The following VWA8 variants were observed in gnomAD, a reference collection of about 807,000 sequenced individuals.
The protein encoded by VWA8 is von Willebrand factor A domain containing 8.
A neutral mutation model predicts 241.5 loss-of-function variants in VWA8; 221 were observed. The observed-to-expected ratio is 0.91, with a 90% CI of 0.82 to 1.02. The LOEUF (loss-of-function observed/expected upper bound fraction) is 1.02, where lower values mean the gene tolerates loss of function less well. Ranked by LOEUF, VWA8 falls within the 50% of genes least tolerant of loss-of-function variation. VWA8 has a pLI of 0.00. For missense variants in VWA8, 2,322 were observed against 2,328.7 expected, an observed-to-expected ratio of 1.00 and a Z score of 0.06; for synonymous variants, 852 against 827.1, an observed-to-expected ratio of 1.03 and a Z score of -0.52.
At chr13:41,698,652 C>A (rs1323938476) in intron 29 of VWA8, among the ~76,000 whole-genome samples, 1 of 152,078 alleles carries the variant, frequency 6.6e-6, no homozygotes, top group African/African-American at 2.4e-5. Context: ...TTTTTAATAC[C>A]ATTCACCTCA....
chr13:41,872,578 G>T (rs938582940), intron 9 of VWA8, among the ~76,000 whole-genome samples: 18 of 152,112 alleles, frequency 1.2e-4, no homozygotes, highest in Non-Finnish European at 1.9e-4. Flanking sequence ...TTTCCCCATT[G>T]CTTGTTTTTC....
intron 20 of VWA8, among the ~76,000 whole-genome samples, chr13:41,766,609 C>A (rs944988284): frequency 6.6e-6 from 1 of 152,210 alleles, no homozygotes; most frequent in Non-Finnish European, 1.5e-5. Context: ...ACTACAATAG[C>A]TCATCCTTGC....
chr13:41,616,543 T>C (rs1342646931), intron 37 of VWA8, among the ~76,000 whole-genome samples: 1 of 152,180 alleles, frequency 6.6e-6, no homozygotes, highest in Non-Finnish European at 1.5e-5. Context: ...TGCCACCATT[T>C]TTCAACTCGT....
intron 12 of VWA8, among the ~76,000 whole-genome samples, chr13:41,845,646 T>C (rs1372076123): frequency 6.6e-6 from 1 of 151,728 alleles, no homozygotes; most frequent in East Asian, 1.9e-4. Context: ...TAAAATAGAA[T>C]GAAATCACAT....
intron 43 of VWA8, among the ~76,000 whole-genome samples, chr13:41,573,523 A>G (rs1174666094): frequency 1.5e-5 from 2 of 135,766 alleles, no homozygotes; most frequent in Non-Finnish European, 1.5e-5. Context: ...CTCTATATAT[A>G]CGTGTATATA....
intron 17 of VWA8, among the ~76,000 whole-genome samples, chr13:41,793,397 T>C (rs376671285): frequency 1.4e-3 from 216 of 152,290 alleles, no homozygotes; most frequent in Non-Finnish European, 2.1e-3. Context: ...TATGTTTTAA[T>C]AGATGGAAGT....
chr13:41,699,914 A>C (rs1440488685), intron 28 of VWA8, among the ~76,000 whole-genome samples: 1 of 152,134 alleles, frequency 6.6e-6, no homozygotes, highest in Non-Finnish European at 1.5e-5. Context: ...GGATCTAATA[A>C]AACTGCAGAC....
intron 2 of VWA8, among the ~76,000 whole-genome samples, chr13:41,934,812 G>T (rs1024613507): frequency 1.3e-5 from 2 of 151,956 alleles, no homozygotes; most frequent in Non-Finnish European, 2.9e-5. Flanking sequence ...TATTTGATCA[G>T]TATTTTGATT....
At chr13:41,884,573 G>T (rs1874420878) in intron 8 of VWA8, among the ~76,000 whole-genome samples, 2 of 123,016 alleles carry the variant, frequency 1.6e-5, no homozygotes, top group Non-Finnish European at 1.8e-5. Flanking sequence ...CTTCCAAATG[G>T]TTCAGGAAAA....
chr13:41,657,779 G>A (rs372954265), intron 37 of VWA8, among the ~76,000 whole-genome samples: 2 of 152,198 alleles, frequency 1.3e-5, no homozygotes, highest in Admixed American at 6.5e-5. Context: ...GTGAGCCACC[G>A]CGCCCGGCCA....
At chr13:41,860,942 G>T (rs1396036175) in intron 12 of VWA8, among the ~76,000 whole-genome samples, 1 of 151,926 alleles carries the variant, frequency 6.6e-6, no homozygotes, top group African/African-American at 2.4e-5. Context: ...TCATTAGAAT[G>T]AGAGTTTTTA....
chr13:41,666,593 G>A (rs926530203), intron 37 of VWA8, among the ~76,000 whole-genome samples: 49 of 152,026 alleles, frequency 3.2e-4, no homozygotes, highest in African/African-American at 1.1e-3. Flanking sequence ...TGAAATCATG[G>A]TGGGGGTGTT....
At chr13:41,627,041 A>G (rs2044696498) in intron 37 of VWA8, among the ~76,000 whole-genome samples, 1 of 152,218 alleles carries the variant, frequency 6.6e-6, no homozygotes, top group Admixed American at 6.5e-5. Flanking sequence ...TCTAATATTC[A>G]GAATCTATAA....
chr13:41,624,614 A>C (rs528934694), intron 37 of VWA8, among the ~76,000 whole-genome samples: 6 of 152,362 alleles, frequency 3.9e-5, no homozygotes, highest in African/African-American at 1.4e-4. Flanking sequence ...GCCTTCAATA[A>C]AATTCAACAT....
At chr13:41,772,472 A>C (rs80210784) in intron 20 of VWA8, among the ~76,000 whole-genome samples, 1,791 of 152,070 alleles carry the variant, frequency 0.012, 36 homozygotes, top group African/African-American at 0.031. Flanking sequence ...AAACAAAAAA[A>C]AAATCAGCAT....
chr13:41,909,244 C>G (rs1437541938), intron 3 of VWA8, among the ~76,000 whole-genome samples: 1 of 152,014 alleles, frequency 6.6e-6, no homozygotes, highest in East Asian at 1.9e-4. Context: ...TTTTTTAGTA[C>G]AGACGGGATT....
At chr13:41,886,061 T>A in intron 7 of VWA8, 33 bp from the exon 8 acceptor site, 2 of 1,378,206 alleles carry the variant, frequency 1.5e-6, no homozygotes, top group Non-Finnish European at 2.0e-6. Flanking sequence ...TTTTAATAGT[T>A]TTAAAATATA....
intron 29 of VWA8, among the ~76,000 whole-genome samples, chr13:41,693,634 C>T (rs1322744341): frequency 6.6e-6 from 1 of 151,948 alleles, no homozygotes; most frequent in African/African-American, 2.4e-5. Context: ...CATTATTAAT[C>T]ACAGCTATGC....
intron 21 of VWA8, among the ~76,000 whole-genome samples, chr13:41,732,653 C>T (rs893960887): frequency 3.3e-5 from 5 of 152,058 alleles, no homozygotes; most frequent in Admixed American, 6.5e-5. Flanking sequence ...ACTATCACAC[C>T]GCTTGCCAAG....
Sources: gnomAD v4.1 joint callset for allele counts (sites outside exome capture counted in the v4.1 genomes callset) on GRCh38, gnomAD v4.1.1 for gene constraint, MANE v1.5 for transcripts, NCBI Gene and HGNC (gene_info 2026-07-23, HGNC 2026-07-21) for gene names.